The following PGAM5 variants were observed in gnomAD, a reference collection of about 807,000 sequenced individuals.
PGAM5 encodes PGAM family member 5, mitochondrial serine/threonine protein phosphatase.
Under a neutral mutation model 30.6 loss-of-function variants are expected in PGAM5, and 25 were observed. The ratio of observed to expected loss-of-function variants is 0.82; its 90% CI spans 0.60 to 1.14. The LOEUF (loss-of-function observed/expected upper bound fraction) is 1.14, where lower values mean the gene tolerates loss of function less well. PGAM5 is among the 50% of genes most tolerant of loss of function. PGAM5 has a pLI of 0.00. For synonymous variants in PGAM5, 201 were observed against 179.1 expected, an observed-to-expected ratio of 1.12 and a Z score of -0.98; for missense variants, 384 against 408.5, an observed-to-expected ratio of 0.94 and a Z score of 0.52.
chr12:132,711,178 G>A, intron 1 of PGAM5, 111 bp downstream of exon 1: 2 of 852,010 alleles, frequency 2.3e-6, no homozygotes, highest in Non-Finnish European at 3.0e-6. Flanking sequence ...CGGGATCTGG[G>A]GTCGCCGTCT....
Position 132,710,887 on chromosome 12 carries a change from G to A in PGAM5, c.11G>A (p.Arg4Gln). 11 of 1,137,214 alleles carry A rather than the reference G, an allele frequency of 9.7e-6. No homozygotes were observed. The highest frequency in any genetic ancestry group is 1.2e-5 in the Non-Finnish European group (11 of 928,898). The allele number at this position is 1,137,214 out of a possible 1,614,324, so 70.4% of individuals were successfully genotyped here. A position where few individuals can be genotyped will look rare whatever the true frequency, so the allele number is the denominator to read the frequency against. The change falls in exon 1 of 6, where the codon CGG becomes CAG. Residue 4 changes from arginine (R) to glutamine (Q), a missense_variant. Arg to Gln is a conservative substitution (Grantham distance 43). Transcript: ENST00000498926. MAFRQALQLAACGL... is the reference protein window; with the variant it reads MAFQQALQLAACGL... ...GCGGGAGCAAGCGGCATGGCGTTCCGGCAGGCGCTGCAGCTGGCGGCCTGC... is the reference window on the plus strand; with the variant it reads ...GCGGGAGCAAGCGGCATGGCGTTCCAGCAGGCGCTGCAGCTGGCGGCCTGC...
rs143248794 is a variant in PGAM5, at chr12:132,721,202, TGAG to T, written c.*379_*381del. Reference sequence around the variant, plus strand: ...CACGAGGGCGACTGAGGCACGTGGATGAGGAGGGCACCCAGGTTCTGTTCACAA... The same window carrying T: ...CACGAGGGCGACTGAGGCACGTGGATGAGGGCACCCAGGTTCTGTTCACAA... On this transcript the variant is annotated 3_prime_UTR_variant, in exon 6 of 6. Coordinates refer to ENST00000498926, the MANE Select transcript of PGAM5 (RefSeq NM_001170543.2). The T allele has an allele frequency of 1.5e-3, 267 of 175,116 alleles. 1 individual carries two copies. Among genetic ancestry groups the T allele is most frequent in the African/African-American group, 6.1e-3 (258 of 42,464 alleles). The allele number at this position is 175,116 out of a possible 1,614,324, so 10.8% of individuals were successfully genotyped here. A position where few individuals can be genotyped will look rare whatever the true frequency, so the allele number is the denominator to read the frequency against.
At position 132,717,730 on chromosome 12, in the gene PGAM5, G is replaced by C. The variant is rs1362996638; in HGVS notation, c.517G>C (p.Asp173His). Residue 173 changes from aspartate (D) to histidine (H), a missense_variant, in exon 4 of 6, where the codon GAT (aspartate) becomes CAT (histidine). By Grantham distance (81) the Asp-to-His change is moderately conservative. Coordinates refer to ENST00000498926, the MANE Select transcript of PGAM5 (RefSeq NM_001170543.2). ...HLPGVCKVST[D>H]LLREGAPIEP... is the part of the protein sequence containing the mutation. ...TGCAGGCGTCTGCAAAGTCAGCACAGATCTGCTGCGGGAAGGCGCCCCCAT... is the reference window on the plus strand; with the variant it reads ...TGCAGGCGTCTGCAAAGTCAGCACACATCTGCTGCGGGAAGGCGCCCCCAT... The C allele has an allele frequency of 3.2e-6, 5 of 1,579,146 alleles. No individual in the cohort carries two copies. The highest frequency in any genetic ancestry group is 1.3e-5 in the African/African-American group (1 of 74,160).
At position 132,720,782 on chromosome 12, in the gene PGAM5, T is replaced by A. The variant is rs747618402; in HGVS notation, c.824T>A (p.Leu275His). Residue 275 changes from leucine (L) to histidine (H), a missense_variant, in exon 6 of 6, where the codon CTC (leucine) becomes CAC (histidine). By Grantham distance (99) the Leu-to-His change is moderately conservative. Coordinates refer to ENST00000498926, the MANE Select transcript of PGAM5 (RefSeq NM_001170543.2). ...AACGGCCGAGTTGCGCTCAGGACCC[T>A]CGGGGACACGGGGTTCATGCCTCCC... Reference protein sequence around the residue: ...RPNGRVALRTLGDTGFMPPDK... With the variant: ...RPNGRVALRTHGDTGFMPPDK... 1 of 1,536,334 alleles carries A rather than the reference T, an allele frequency of 6.5e-7. No individual in the cohort carries two copies. Among genetic ancestry groups the A allele is most frequent in the South Asian group, 1.2e-5 (1 of 84,058 alleles).
At position 132,717,788 on chromosome 12, in the gene PGAM5, C is replaced by G. The variant is rs2043597170; in HGVS notation, c.575C>G (p.Pro192Arg). Reference sequence around the variant, plus strand: ...GACCCGCCCGTGTCTCATTGGAAGCCGGAAGCTGTGGTAAAAACCTCCCCG... The same window carrying G: ...GACCCGCCCGTGTCTCATTGGAAGCGGGAAGCTGTGGTAAAAACCTCCCCG... Reference protein sequence around the residue: ...EPDPPVSHWKPEAVQYYEDGA... With the variant: ...EPDPPVSHWKREAVQYYEDGA... The change falls in exon 4 of 6, where the codon CCG (proline) becomes CGG (arginine). Residue 192 changes from proline (P) to arginine (R), a missense_variant. Pro to Arg is a moderately radical substitution (Grantham distance 103). Coordinates refer to ENST00000498926, the MANE Select transcript of PGAM5 (RefSeq NM_001170543.2). 1 of 1,586,476 alleles carries G rather than the reference C, an allele frequency of 6.3e-7. No homozygotes were observed.
At chr12:132,714,352 A>G (rs1027937622) in intron 1 of PGAM5, among the ~76,000 whole-genome samples, 1 of 152,244 alleles carries the variant, frequency 6.6e-6, no homozygotes, top group African/African-American at 2.4e-5. Context: ...GACTGAGGAC[A>G]TGATGTTTTA....
At position 132,718,112 on chromosome 12, in the gene PGAM5, C is replaced by T. The variant is rs1286680337; in HGVS notation, c.711C>T (p.Ile237=). The T allele has an allele frequency of 9.9e-6, 16 of 1,612,508 alleles. No homozygotes were observed. The highest frequency in any genetic ancestry group is 3.3e-5 in the South Asian group (3 of 91,078). ...FICHANVIRY[I]VCRALQFPPE... is the part of the protein sequence containing the mutation. ...GTCACGCCAACGTCATCCGCTACAT[C>T]GTGTGCAGGTAGGCAGCTGCTGGGC... Residue 237 remains isoleucine, a synonymous_variant, in exon 5 of 6, where the codon ATC becomes ATT. Transcript: ENST00000498926.
At chr12:132,718,853 C>G (rs920536603) in intron 5 of PGAM5, 1 of 1,612,870 alleles carries the variant, frequency 6.2e-7, no homozygotes, top group Non-Finnish European at 8.5e-7. Context: ...ACCCGTGTGC[C>G]AGCGTGACGG....
At chr12:132,717,335 G>GGTGGTTGAGGGTGGAGGAGGGC in intron 2 of PGAM5, 104 bp from the exon 3 acceptor site, 2 of 1,232,160 alleles carry the variant, frequency 1.6e-6, no homozygotes, top group Non-Finnish European at 1.1e-6. Context: ...CGGAGGAGGG[G>GGTGGTTGAGGGTGGAGGAGGGC]GTGTTTGAGG....
rs2043649844 is a variant in PGAM5 at position 132,722,017 on chromosome 12, G to A, written c.*1189G>A. The A allele has an allele frequency of 6.6e-6, 1 of 152,114 alleles. No homozygotes were observed. Among genetic ancestry groups the A allele is most frequent in the Non-Finnish European group, 1.5e-5 (1 of 68,076 alleles). The allele number at this position is 152,114 out of a possible 1,614,324, so 9.4% of individuals were successfully genotyped here. On this transcript the variant is annotated 3_prime_UTR_variant, in exon 6 of 6. Transcript: ENST00000498926. The stretch of plus-strand genomic sequence containing the variant: ...TCACCAACTTGATTAGGTCTTTAGG[G>A]GCCGAGGGACTAGCCAGCTGCACAG...
chr12:132,718,967 C>T (rs1331030811), intron 5 of PGAM5: 3 of 1,487,000 alleles, frequency 2.0e-6, no homozygotes, highest in African/African-American at 2.8e-5. Flanking sequence ...CTCTGGTGCC[C>T]CACTCTCAGC....
chr12:132,713,605 G>A (rs370621626), intron 1 of PGAM5, among the ~76,000 whole-genome samples: 3 of 152,106 alleles, frequency 2.0e-5, no homozygotes, highest in Admixed American at 1.3e-4. Context: ...TTCCTTTTCC[G>A]CCACTGTCTC....
intron 3 of PGAM5, 46 bp from the exon 4 acceptor site, chr12:132,717,664 G>T: frequency 6.4e-7 from 1 of 1,564,678 alleles, no homozygotes; most frequent in South Asian, 1.1e-5. Context: ...CAGCATCTCC[G>T]CCGGCGGGGC....
Position 132,720,849 on chromosome 12 carries a change from C to T in PGAM5, c.*21C>T, listed in dbSNP as rs937523041. 1.3e-6 allele frequency: 2 copies of T among 1,534,010 alleles called. No homozygotes were observed. The highest frequency in any genetic ancestry group is 1.4e-5 in the African/African-American group (1 of 72,766). On this transcript the variant is annotated 3_prime_UTR_variant, in exon 6 of 6. Transcript: ENST00000498926. ...CCTGAGGGCTCCGGCCTCTCCTTCC[C>T]TCTGTCCTCCCTGCACAGGCCGCAC...
At position 132,715,044 on chromosome 12, in the gene PGAM5, G is replaced by C; in HGVS notation, c.370+8G>C. 6.2e-7 allele frequency: 1 copy of C among 1,603,652 alleles called. No homozygotes were observed. The highest frequency in any genetic ancestry group is 8.5e-7 in the Non-Finnish European group (1 of 1,175,510). On this transcript the variant is annotated splice_region_variant and intron_variant, in intron 2 of 5. Coordinates refer to ENST00000498926, the MANE Select transcript of PGAM5 (RefSeq NM_001170543.2). ...GCACTCTGACCCCGCTGGGTATGTG[G>C]TGGGTTCAGATCCTCTGTGGACCCT... is the stretch of plus-strand genomic sequence containing the variant.
chr12:132,718,022 C>T lies in PGAM5; in HGVS notation c.621C>T (p.Ala207=), dbSNP rs1268101412. Residue 207 remains alanine, a synonymous_variant, in exon 5 of 6, where the codon GCC becomes GCT. Transcript: ENST00000498926. The stretch of plus-strand genomic sequence containing the variant: ...AAGACGGAGCCCGGATCGAGGCCGC[C>T]TTCCGGAACTACATCCACCGCGCAG... ...YYEDGARIEA[A]FRNYIHRADA... 3.7e-6 allele frequency: 6 copies of T among 1,612,700 alleles called. No individual in the cohort carries two copies. Among genetic ancestry groups the T allele is most frequent in the Non-Finnish European group, 5.1e-6 (6 of 1,180,004 alleles).
chr12:132,714,711 A>G (rs2043554760), intron 1 of PGAM5, 147 bp from the exon 2 acceptor site: 9 of 808,370 alleles, frequency 1.1e-5, no homozygotes, highest in Non-Finnish European at 1.5e-5. Context: ...GTATGCTCAG[A>G]GAGGCCTCCC....
At chr12:132,711,240 C>G in intron 1 of PGAM5, 173 bp downstream of exon 1, 1 of 445,456 alleles carries the variant, frequency 2.2e-6, no homozygotes, top group Non-Finnish European at 3.4e-6. Flanking sequence ...GCGGAGGGTT[C>G]CGGGGGCGGC....
chr12:132,717,074 T>C (rs1371734342), intron 2 of PGAM5, among the ~76,000 whole-genome samples: 1 of 152,056 alleles, frequency 6.6e-6, no homozygotes, highest in Non-Finnish European at 1.5e-5. Flanking sequence ...TTGGACACAG[T>C]TGAGTGAGGG....
Sources: gnomAD v4.1 joint callset for allele counts (sites outside exome capture counted in the v4.1 genomes callset) on GRCh38, gnomAD v4.1.1 for gene constraint, MANE v1.5 for transcripts, NCBI Gene and HGNC (gene_info 2026-07-23, HGNC 2026-07-21) for gene names.